The following SNX30 variants were observed in gnomAD, a reference collection of about 807,000 sequenced individuals.
The protein encoded by SNX30 is sorting nexin-30.
A neutral mutation model predicts 46.4 loss-of-function variants in SNX30; 24 were observed. That is an observed-to-expected ratio of 0.52 (90% CI 0.37 to 0.73). The LOEUF (loss-of-function observed/expected upper bound fraction) is 0.73, where lower values mean the gene tolerates loss of function less well. Ranked by LOEUF, SNX30 falls within the 30% of genes least tolerant of loss-of-function variation. The pLI is 0.00. For missense variants in SNX30, 533 were observed against 555.7 expected (o/e 0.96, Z 0.41); for synonymous variants, 189 against 211.5 (o/e 0.89, Z 0.92).
At chr9:112,804,032 T>G (rs1236279985) in intron 1 of SNX30, among the ~76,000 whole-genome samples, 3 of 144,828 alleles carry the variant, frequency 2.1e-5, no homozygotes. Flanking sequence ...CTGCGCCCAC[T>G]GTCTGGCACT....
intron 3 of SNX30, among the ~76,000 whole-genome samples, chr9:112,829,185 G>A (rs1187600094): frequency 1.3e-5 from 2 of 152,070 alleles, no homozygotes; most frequent in Non-Finnish European, 1.5e-5. Flanking sequence ...TCTGCCTTTT[G>A]GTCATTGTAA....
chr9:112,877,344 G>A (rs1292368444), downstream of SNX30: 2 of 152,272 alleles, frequency 1.3e-5, no homozygotes, highest in African/African-American at 2.4e-5. Context: ...AACAGTAAGA[G>A]GCTTTTCAGG....
chr9:112,864,543 C>A, intron 8 of SNX30, 144 bp downstream of exon 8: 2 of 1,099,202 alleles, frequency 1.8e-6, no homozygotes, highest in Non-Finnish European at 1.3e-6. Flanking sequence ...GCTTCATGCC[C>A]TTGCCCAACC....
At chr9:112,781,718 A>G (rs1839849482) in intron 1 of SNX30, among the ~76,000 whole-genome samples, 1 of 151,152 alleles carries the variant, frequency 6.6e-6, no homozygotes, top group South Asian at 2.1e-4. Flanking sequence ...TGTAATGTCC[A>G]CCTCTCAGGT....
chr9:112,815,936 T>G (rs997234239), intron 2 of SNX30, among the ~76,000 whole-genome samples: 1 of 152,166 alleles, frequency 6.6e-6, no homozygotes, highest in Non-Finnish European at 1.5e-5. Flanking sequence ...CTCGACCTCC[T>G]GGGCTCAGAC....
chr9:112,805,378 A>C (rs1197824205), intron 2 of SNX30, among the ~76,000 whole-genome samples: 1 of 152,180 alleles, frequency 6.6e-6, no homozygotes, highest in Admixed American at 6.5e-5. Flanking sequence ...TAATGGGAGG[A>C]TAGAAACTAA....
In SNX30 at chr9:112,822,531, G is replaced by GTTTT. The variant is rs1340146319; in HGVS notation, c.459+4717_459+4720dup. Among the ~76,000 whole-genome samples, 187 of 34,404 alleles carry GTTTT rather than the reference G, an allele frequency of 5.4e-3. 3 individuals carry two copies. Among genetic ancestry groups the GTTTT allele is most frequent in the African/African-American group, 0.012 (160 of 12,902 alleles). The allele number at this position is 34,404 out of a possible 152,430, so 22.6% of individuals were successfully genotyped here. A position where few individuals can be genotyped will look rare whatever the true frequency, so the allele number is the denominator to read the frequency against. On this transcript the variant is annotated intron_variant, in intron 3 of 8. Transcript: ENST00000374232. ...ACAAGTTTTCTTTTGTCCCTTTGCT[G>GTTTT]TTTTGTTTTGTTTTTTTTTTTTGTA...
intron 2 of SNX30, among the ~76,000 whole-genome samples, chr9:112,815,653 G>A (rs887416905): frequency 1.9e-4 from 29 of 152,286 alleles, no homozygotes; most frequent in Non-Finnish European, 3.4e-4. Flanking sequence ...GAGCCACTGC[G>A]CCCAGCCAAT....
chr9:112,808,133 G>A (rs958519920), intron 2 of SNX30, among the ~76,000 whole-genome samples: 1 of 152,220 alleles, frequency 6.6e-6, no homozygotes, highest in African/African-American at 2.4e-5. Context: ...GGGTGTGTGA[G>A]AATGAGAGAA....
intron 5 of SNX30, among the ~76,000 whole-genome samples, chr9:112,837,476 G>T (rs977167261): frequency 8.4e-4 from 128 of 151,770 alleles, no homozygotes; most frequent in African/African-American, 2.8e-3. Context: ...TCGTTTTTTG[G>T]TTTTTGGTTT....
rs769688740 is a variant in SNX30 at position 112,838,591 on chromosome 9, C to T, written c.908C>T (p.Ala303Val). The T allele has an allele frequency of 6.2e-7, 1 of 1,614,202 alleles. No homozygotes were observed. Among genetic ancestry groups the T allele is most frequent in the East Asian group, 2.2e-5 (1 of 44,892 alleles). Residue 303 changes from alanine to valine, a missense_variant, in exon 6 of 9, where the codon GCT becomes GTT. Physicochemically the swap from Ala to Val is moderately conservative, Grantham distance 64. Transcript: ENST00000374232. ...ELAEPLEGVSACIGNCSTALE... is the reference protein window; with the variant it reads ...ELAEPLEGVSVCIGNCSTALE... ...GCTGAACCCCTGGAGGGTGTGTCAG[C>T]TTGCATTGGGAACTGCTCTACAGCC... is the stretch of plus-strand genomic sequence containing the variant.
chr9:112,809,166 G>A (rs908766164), intron 2 of SNX30, among the ~76,000 whole-genome samples: 5 of 151,100 alleles, frequency 3.3e-5, no homozygotes, highest in South Asian at 2.1e-4. Flanking sequence ...AGCTCACTGC[G>A]GCCTCCGCCT....
intron 2 of SNX30, among the ~76,000 whole-genome samples, chr9:112,815,589 G>A (rs540011185): frequency 3.9e-5 from 6 of 152,088 alleles, no homozygotes; most frequent in Non-Finnish European, 7.4e-5. Flanking sequence ...TTGAACTACC[G>A]ACCCCAAATG....
intron 4 of SNX30, among the ~76,000 whole-genome samples, chr9:112,834,829 CACACACACACACAA>C (rs1429986944): frequency 5.7e-5 from 7 of 122,190 alleles, no homozygotes; most frequent in Admixed American, 3.7e-4. Flanking sequence ...GTGGATTAAA[CACACACACACACAA>C]ACACACACAC....
At chr9:112,833,908 A>G (rs1840709084) in intron 4 of SNX30, among the ~76,000 whole-genome samples, 1 of 152,190 alleles carries the variant, frequency 6.6e-6, no homozygotes, top group Non-Finnish European at 1.5e-5. Flanking sequence ...GAAGGAAACG[A>G]GAGAGGTGGA....
At chr9:112,875,312 T>G (rs1841506720), downstream of SNX30, 1 of 152,214 alleles carries the variant, frequency 6.6e-6, no homozygotes, top group African/African-American at 2.4e-5. Flanking sequence ...CATGAAAGAT[T>G]TCCTGTGTTA....
intron 1 of SNX30, among the ~76,000 whole-genome samples, chr9:112,754,203 T>C (rs927417620): frequency 2.6e-5 from 4 of 152,178 alleles, no homozygotes. Flanking sequence ...CCTGGTGTCT[T>C]GGTCCAGCTG....
downstream of SNX30, chr9:112,875,033 CAT>C (rs934908286): frequency 6.6e-6 from 1 of 152,154 alleles, no homozygotes; most frequent in African/African-American, 2.4e-5. Flanking sequence ...GGCAGAAAAA[CAT>C]GTGTGCCTAT....
chr9:112,817,767 CTGGT>C lies in SNX30; in HGVS notation c.414_417del (p.Trp138Ter). The C allele has an allele frequency of 6.2e-7, 1 of 1,613,898 alleles. No homozygotes were observed. The highest frequency in any genetic ancestry group is 8.5e-7 in the Non-Finnish European group (1 of 1,179,888). ...TTCGTCGAAGATACCAGGATTTTGA[CTGGT>C]TGAGGAGCAAACTGGAAGAATCCCA... is the stretch of plus-strand genomic sequence containing the variant. On this transcript the variant is annotated frameshift_variant, in exon 3 of 9. Coordinates refer to ENST00000374232, the MANE Select transcript of SNX30 (RefSeq NM_001012994.2). LOFTEE classifies it high-confidence loss of function.
Sources: allele counts gnomAD v4.1 joint callset (sites outside exome capture counted in the v4.1 genomes callset), GRCh38; gene constraint gnomAD v4.1.1; transcripts MANE v1.5; gene names NCBI Gene and HGNC (gene_info 2026-07-23, HGNC 2026-07-21).